COL8A2: variants seen among roughly 807,000 people sequenced by gnomAD.
The protein encoded by COL8A2 is collagen alpha-2(VIII) chain.
A neutral mutation model predicts 24.0 loss-of-function variants in COL8A2; 16 were observed. The observed-to-expected ratio is 0.67, with a 90% confidence interval of 0.45 to 1.01. The LOEUF (loss-of-function observed/expected upper bound fraction) is 1.01. Ranked by LOEUF, COL8A2 falls within the 50% of genes least tolerant of loss-of-function variation. The pLI is 0.00. For synonymous variants in COL8A2, 466 were observed against 424.5 expected, an observed-to-expected ratio of 1.10 and a Z score of -1.20; for missense variants, 818 against 942.4, an observed-to-expected ratio of 0.87 and a Z score of 1.73.
chr1:36,106,480 C>T (rs1486485262), intron 2 of COL8A2, among the ~76,000 whole-genome samples: 1 of 152,040 alleles, frequency 6.6e-6, no homozygotes, highest in African/African-American at 2.4e-5. Context: ...CCAGAATGTT[C>T]TGCTTGGTGG....
rs138158024 is a variant in COL8A2, at chr1:36,097,786, T to C, written c.1895A>G (p.Asn632Ser). The C allele has an allele frequency of 1.7e-5, 28 of 1,613,684 alleles. No individual in the cohort carries two copies. The African/African-American group carries it at 2.9e-4, about 17-fold the overall frequency. The change falls in exon 4 of 4, where the codon AAC (asparagine) becomes AGC (serine). Residue 632 changes from asparagine (N) to serine (S), a missense_variant. Physicochemically the swap from Asn to Ser is conservative, Grantham distance 46. Around this residue, in one of 3 missense-constraint regions of COL8A2, gnomAD observed 235 missense variants for 297.3 expected, o/e 0.79. Transcript: ENST00000397799. ...GTTCTTGTACAGGGCCACCCACACG[T>C]TGGTGCCCTTGACGTGCACATGGTA... ...FAYHVHVKGT[N>S]VWVALYKNNV...
At chr1:36,099,809 C>T (rs1388554474) in intron 3 of COL8A2, among the ~76,000 whole-genome samples, 1 of 152,164 alleles carries the variant, frequency 6.6e-6, no homozygotes, top group Non-Finnish European at 1.5e-5. Flanking sequence ...CCTTAGAGCC[C>T]GTGGGAGCAG....
Position 36,096,628 on chromosome 1 carries a change from A to G in COL8A2, c.*941T>C, listed in dbSNP as rs1216333778. ...TGGCTGGGGTGACAAGGATCCTCTT[A>G]CAATTTTGTATTGAGAAAACCAGCC... On this transcript the variant is annotated 3_prime_UTR_variant, in exon 4 of 4. Coordinates refer to ENST00000397799, the MANE Select transcript of COL8A2 (RefSeq NM_005202.4). The G allele has an allele frequency of 6.6e-6, 1 of 152,366 alleles. No individual in the cohort carries two copies. The highest frequency in any genetic ancestry group is 2.1e-4 in the South Asian group (1 of 4,826). 9.4% of individuals were successfully genotyped at this position (152,366 alleles called of 1,614,324 possible).
In COL8A2 at chr1:36,098,809, G is replaced by T. The variant is rs373636461; in HGVS notation, c.872C>A (p.Pro291Gln). Residue 291 changes from proline (P) to glutamine (Q), a missense_variant, in exon 4 of 4, where the codon CCA (proline) becomes CAA (glutamine). Coordinates refer to ENST00000397799, the MANE Select transcript of COL8A2 (RefSeq NM_005202.4). Reference protein sequence around the residue: ...GVPGAAGLPGPQGPSGAKGEP... With the variant: ...GVPGAAGLPGQQGPSGAKGEP... ...CCCTTTGGCCCCTGATGGGCCCTGT[G>T]GTCCTGGCAACCCTGCTGCCCCTGG... 7 of 1,611,910 alleles carry T rather than the reference G, an allele frequency of 4.3e-6. No individual in the cohort carries two copies. The highest frequency in any genetic ancestry group is 1.7e-5 in the Admixed American group (1 of 59,984).
intron 1 of COL8A2, among the ~76,000 whole-genome samples, chr1:36,118,659 G>A (rs1243282945): frequency 1.3e-5 from 2 of 152,176 alleles, no homozygotes; most frequent in Non-Finnish European, 2.9e-5. Flanking sequence ...CCAGATGTGG[G>A]TGGGACAGTC....
At chr1:36,112,082 CA>C (rs1256478889) in intron 2 of COL8A2, among the ~76,000 whole-genome samples, 1 of 152,184 alleles carries the variant, frequency 6.6e-6, no homozygotes. Context: ...TGGCTCACTG[CA>C]AACTCCGCCT....
At position 36,099,455 on chromosome 1, in the gene COL8A2, TCAG is replaced by T. The variant is rs756881827; in HGVS notation, c.223_225del (p.Leu75del). On this transcript the variant is annotated inframe_deletion, in exon 4 of 4. Transcript: ENST00000397799. The stretch of plus-strand genomic sequence containing the variant: ...TTCCCAGGGGGGCCGGGCTCTCCCT[TCAG>T]GTCCATCGGCAGCAGCGGTAGAGGC... The T allele has an allele frequency of 6.5e-7, 1 of 1,543,318 alleles. No homozygotes were observed. The highest frequency in any genetic ancestry group is 1.2e-5 in the South Asian group (1 of 84,594).
In COL8A2 at chr1:36,097,553, G is replaced by GGACC; in HGVS notation, c.*12_*15dup. 2.5e-6 allele frequency: 4 copies of GGACC among 1,581,140 alleles called. No individual in the cohort carries two copies. The highest frequency in any genetic ancestry group is 3.5e-6 in the Non-Finnish European group (4 of 1,156,226). On this transcript the variant is annotated 3_prime_UTR_variant, in exon 4 of 4. Transcript: ENST00000397799. ...TAAAGGGGAGGAGGCCAGGGCAGCAGGACCCCCCCCGCGGGTTATGTGGGG... is the reference window on the plus strand; with the variant it reads ...TAAAGGGGAGGAGGCCAGGGCAGCAGGACCGACCCCCCCCGCGGGTTATGTGGGG...
At chr1:36,106,797 G>C (rs1416585926) in intron 2 of COL8A2, among the ~76,000 whole-genome samples, 1 of 152,152 alleles carries the variant, frequency 6.6e-6, no homozygotes, top group Non-Finnish European at 1.5e-5. Context: ...TTGGTAATGG[G>C]GGTCCTCCAG....
intron 2 of COL8A2, among the ~76,000 whole-genome samples, chr1:36,109,951 A>T (rs1433971852): frequency 9.1e-6 from 1 of 109,670 alleles, no homozygotes; most frequent in African/African-American, 3.6e-5. Flanking sequence ...TTTTTTTGAG[A>T]CGGAGTCTTG....
chr1:36,109,325 T>C (rs1380063695), intron 2 of COL8A2, among the ~76,000 whole-genome samples: 1 of 152,100 alleles, frequency 6.6e-6, no homozygotes, highest in African/African-American at 2.4e-5. Context: ...GACTCCTCTC[T>C]CCCCTCCTCC....
intron 2 of COL8A2, among the ~76,000 whole-genome samples, chr1:36,100,788 C>G (rs1187036927): frequency 6.7e-6 from 1 of 148,722 alleles, no homozygotes; most frequent in Non-Finnish European, 1.5e-5. Flanking sequence ...TGGGATTTGT[C>G]TTAGGTCTGT....
intron 2 of COL8A2, among the ~76,000 whole-genome samples, chr1:36,110,887 C>G (rs1457759771): frequency 6.6e-6 from 1 of 152,204 alleles, no homozygotes. Context: ...AAAGCCTGCT[C>G]AGGACTAGGA....
At chr1:36,120,653 C>CA (rs1442221061) in intron 1 of COL8A2, among the ~76,000 whole-genome samples, 2 of 150,502 alleles carry the variant, frequency 1.3e-5, no homozygotes, top group Non-Finnish European at 2.9e-5. Context: ...GAGGCTGAGG[C>CA]AAGAGAATCA....
intron 1 of COL8A2, among the ~76,000 whole-genome samples, chr1:36,121,068 G>A (rs1191533793): frequency 2.0e-5 from 3 of 150,174 alleles, no homozygotes; most frequent in South Asian, 2.1e-4. Flanking sequence ...CAGCCTGGGC[G>A]ACAGAGTGAG....
intron 2 of COL8A2, among the ~76,000 whole-genome samples, chr1:36,106,751 C>T (rs947763235): frequency 1.3e-5 from 2 of 152,118 alleles, no homozygotes; most frequent in East Asian, 1.9e-4. Context: ...GGAGCCCAGG[C>T]GGCACCCCCG....
At chr1:36,110,774 G>A (rs1489007419) in intron 2 of COL8A2, among the ~76,000 whole-genome samples, 2 of 152,202 alleles carry the variant, frequency 1.3e-5, no homozygotes. Flanking sequence ...TTATAGGCAT[G>A]AGCAACCGTG....
rs1026799155 is a variant in COL8A2 at position 36,115,008 on chromosome 1, G to A, written c.-17+700C>T. Among the ~76,000 whole-genome samples, 3 of 152,242 alleles carry A rather than the reference G, an allele frequency of 2.0e-5. No homozygotes were observed. Among genetic ancestry groups the A allele is most frequent in the East Asian group, 3.9e-4 (2 of 5,170 alleles). On this transcript the variant is annotated intron_variant, in intron 2 of 3. Transcript: ENST00000397799. This position sits in a 1 kb window ranked among gnomAD's most constrained non-coding sequence, Gnocchi z 5.7. ...AGTGCCCAGGAAGGTAAGAACAGCC[G>A]GGCAGGGGCAGATGGACTAGAAAAG...
intron 2 of COL8A2, among the ~76,000 whole-genome samples, chr1:36,111,640 T>C (rs1198242972): frequency 6.6e-6 from 1 of 151,868 alleles, no homozygotes; most frequent in Non-Finnish European, 1.5e-5. Context: ...AGCTTCAGAC[T>C]CTTGGGTTCA....
Sources: allele counts gnomAD v4.1 joint callset (sites outside exome capture counted in the v4.1 genomes callset), GRCh38; gene constraint gnomAD v4.1.1; regional missense constraint gnomAD v4.1.1; non-coding constraint Gnocchi (gnomAD v3.1); transcripts MANE v1.5; gene names NCBI Gene and HGNC (gene_info 2026-07-23, HGNC 2026-07-21).